The following NCAM2 variants were observed in gnomAD, a reference collection of about 807,000 sequenced individuals.
The protein encoded by NCAM2 is neural cell adhesion molecule 2, also known as N-CAM-2.
Under a neutral mutation model 98.1 loss-of-function variants are expected in NCAM2, and 30 were observed. That is an observed-to-expected ratio of 0.31 (90% CI 0.23 to 0.41). The LOEUF (loss-of-function observed/expected upper bound fraction) is 0.41. NCAM2 is among the 10% of genes least tolerant of loss of function. The pLI is 1.00. For synonymous variants in NCAM2, 368 were observed against 342.4 expected, an observed-to-expected ratio of 1.07 and a Z score of -0.83; for missense variants, 867 against 1,005.8, an observed-to-expected ratio of 0.86 and a Z score of 1.87.
At chr21:21,103,215 G>A (rs533720423) in intron 1 of NCAM2, among the ~76,000 whole-genome samples, 23 of 125,572 alleles carry the variant, frequency 1.8e-4, no homozygotes, top group African/African-American at 6.4e-4. Flanking sequence ...TTTTAAACAT[G>A]GAATAAGAAA....
chr21:21,127,562 T>A lies in NCAM2; in HGVS notation c.55+128944T>A, dbSNP rs1166084241. ...ATCGAACACTAGAACTTGTTTTATG[T>A]AAATATATTAATATTTTTATACTCA... On this transcript the variant is annotated intron_variant, in intron 1 of 17. Coordinates refer to ENST00000400546, the MANE Select transcript of NCAM2 (RefSeq NM_004540.5). 4.6e-5 allele frequency among the ~76,000 whole-genome samples: 7 copies of A among 152,108 alleles called. No homozygotes were observed. In the East Asian group the frequency reaches 1.3e-3, roughly 29 times the overall value.
intron 16 of NCAM2, among the ~76,000 whole-genome samples, chr21:21,509,333 AGATG>A (rs1356226169): frequency 1.3e-5 from 2 of 152,180 alleles, no homozygotes; most frequent in African/African-American, 4.8e-5. Context: ...ATAAACATAT[AGATG>A]GATGGATAGT....
rs73896630 is a variant in NCAM2 at position 21,252,487 on chromosome 21, A to G, written c.56-28091A>G. Among the ~76,000 whole-genome samples the G allele has an allele frequency of 2.0e-3, 304 of 151,912 alleles. 4 individuals are homozygous for G. Among genetic ancestry groups the G allele is most frequent in the African/African-American group, 6.9e-3 (286 of 41,520 alleles). ...AATCACCTTCATTATATAAGACACAATCTAGTCAATCAATTATAGAATATG... is the reference window on the plus strand; with the variant it reads ...AATCACCTTCATTATATAAGACACAGTCTAGTCAATCAATTATAGAATATG... On this transcript the variant is annotated intron_variant, in intron 1 of 17. Coordinates refer to ENST00000400546, the MANE Select transcript of NCAM2 (RefSeq NM_004540.5).
At chr21:21,452,504 A>G (rs929069527) in intron 12 of NCAM2, among the ~76,000 whole-genome samples, 1 of 132,240 alleles carries the variant, frequency 7.6e-6, no homozygotes, top group Non-Finnish European at 1.6e-5. Flanking sequence ...TTTATATATA[A>G]TATATAATAT....
chr21:21,147,311 A>C, intron 1 of NCAM2: 1 of 975,372 alleles, frequency 1.0e-6, no homozygotes, highest in Non-Finnish European at 1.2e-6. Flanking sequence ...AAAAAAAGAC[A>C]ATTTATTTGT....
At chr21:21,429,895 G>A (rs999661800) in intron 11 of NCAM2, among the ~76,000 whole-genome samples, 3 of 152,046 alleles carry the variant, frequency 2.0e-5, no homozygotes, top group African/African-American at 7.2e-5. Context: ...CATGTGAAAG[G>A]CCGTAAAGCT....
chr21:21,385,196 C>T (rs766722020), intron 9 of NCAM2, among the ~76,000 whole-genome samples: 6 of 151,606 alleles, frequency 4.0e-5, no homozygotes, highest in East Asian at 3.9e-4. Context: ...TATTTTATTT[C>T]GCAACAAATT....
intron 9 of NCAM2, among the ~76,000 whole-genome samples, chr21:21,396,166 A>T (rs915974977): frequency 6.6e-6 from 1 of 152,122 alleles, no homozygotes; most frequent in African/African-American, 2.4e-5. Flanking sequence ...AGCAAGAAAA[A>T]AAAAAAAATA....
At chr21:21,123,740 T>C (rs1312875239) in intron 1 of NCAM2, among the ~76,000 whole-genome samples, 9 of 152,128 alleles carry the variant, frequency 5.9e-5, no homozygotes, top group Non-Finnish European at 1.3e-4. Context: ...TAACCCAAAC[T>C]TTTCTTTATA....
At chr21:21,160,327 A>G (rs1180519962) in intron 1 of NCAM2, among the ~76,000 whole-genome samples, 1 of 151,888 alleles carries the variant, frequency 6.6e-6, no homozygotes, top group African/African-American at 2.4e-5. Context: ...CTTCTTTAAT[A>G]TAAATATATT....
intron 1 of NCAM2, among the ~76,000 whole-genome samples, chr21:21,213,122 T>G (rs1052996351): frequency 6.6e-6 from 1 of 152,192 alleles, no homozygotes; most frequent in African/African-American, 2.4e-5. Flanking sequence ...AATATTTAGT[T>G]GCCTGTTAAT....
chr21:21,450,448 G>A (rs1035616173), intron 12 of NCAM2, among the ~76,000 whole-genome samples: 1 of 151,670 alleles, frequency 6.6e-6, no homozygotes, highest in Non-Finnish European at 1.5e-5. Flanking sequence ...GGGCTCAAGC[G>A]ATCTTCCCAC....
intron 1 of NCAM2, among the ~76,000 whole-genome samples, chr21:21,035,285 C>A (rs1330117821): frequency 6.6e-6 from 1 of 152,030 alleles, no homozygotes; most frequent in Non-Finnish European, 1.5e-5. Flanking sequence ...GTGTTTGTTA[C>A]AGAAGAAAAC....
chr21:21,052,774 T>A (rs965524654), intron 1 of NCAM2, among the ~76,000 whole-genome samples: 1 of 152,200 alleles, frequency 6.6e-6, no homozygotes, highest in Non-Finnish European at 1.5e-5. Flanking sequence ...TCTACTATAG[T>A]TAAAAAATCA....
chr21:21,462,149 A>G (rs1983062028), intron 12 of NCAM2, among the ~76,000 whole-genome samples: 1 of 152,022 alleles, frequency 6.6e-6, no homozygotes, highest in Non-Finnish European at 1.5e-5. Context: ...TTGGATGATC[A>G]GTTTTACCCT....
intron 1 of NCAM2, among the ~76,000 whole-genome samples, chr21:21,270,024 A>C (rs2072434825): frequency 2.0e-5 from 3 of 152,190 alleles, no homozygotes; most frequent in Admixed American, 6.6e-5. Flanking sequence ...TGGGGAAGAC[A>C]AAGCACTTAC....
chr21:21,333,202 C>T (rs141677597), intron 6 of NCAM2, among the ~76,000 whole-genome samples: 9 of 152,270 alleles, frequency 5.9e-5, no homozygotes, highest in African/African-American at 1.7e-4. Context: ...AGTAATAAAG[C>T]ATTGGTAATA....
At chr21:21,201,156 T>C (rs2069205260) in intron 1 of NCAM2, among the ~76,000 whole-genome samples, 1 of 152,194 alleles carries the variant, frequency 6.6e-6, no homozygotes, top group Admixed American at 6.5e-5. Flanking sequence ...TTCATCCCAT[T>C]TCTTTGCCAT....
At chr21:21,159,777 A>G (rs2067725850) in intron 1 of NCAM2, among the ~76,000 whole-genome samples, 1 of 151,630 alleles carries the variant, frequency 6.6e-6, no homozygotes, top group Non-Finnish European at 1.5e-5. Flanking sequence ...CTGTATATAT[A>G]TGTTTTTGTG....
Sources: gnomAD v4.1 joint callset for allele counts (sites outside exome capture counted in the v4.1 genomes callset) on GRCh38, gnomAD v4.1.1 for gene constraint, MANE v1.5 for transcripts, NCBI Gene and HGNC (gene_info 2026-07-23, HGNC 2026-07-21) for gene names.